RNF24: variants seen among roughly 807,000 people sequenced by gnomAD.
The protein encoded by RNF24 is ring finger protein 24.
In RNF24, 14 loss-of-function variants were observed where a neutral mutation model predicts 20.0. The ratio of observed to expected loss-of-function variants is 0.70; its 90% CI spans 0.46 to 1.10. The LOEUF is 1.10. Ranked by LOEUF, RNF24 falls within the 50% of genes least tolerant of loss-of-function variation. The pLI, the probability that RNF24 is intolerant of heterozygous loss-of-function variation, is 0.00. For missense variants in RNF24, 124 were observed against 177.6 expected, an observed-to-expected ratio of 0.70 and a Z score of 1.71; for synonymous variants, 45 against 61.1, an observed-to-expected ratio of 0.74 and a Z score of 1.23.
chr20:4,002,591 T>A (rs1981504833), intron 1 of RNF24, among the ~76,000 whole-genome samples: 1 of 152,132 alleles, frequency 6.6e-6, no homozygotes, highest in Non-Finnish European at 1.5e-5. Context: ...GTCTATTAAG[T>A]AATATTAATC....
chr20:3,945,081 T>G (rs572506811), intron 4 of RNF24, 96 bp downstream of exon 4: 2 of 1,491,270 alleles, frequency 1.3e-6, no homozygotes, highest in African/African-American at 2.8e-5. Flanking sequence ...TAAGCCTATT[T>G]TTTTCAACTA....
chr20:3,979,446 T>G (rs1225923418), intron 1 of RNF24, among the ~76,000 whole-genome samples: 1 of 152,106 alleles, frequency 6.6e-6, no homozygotes, highest in African/African-American at 2.4e-5. Context: ...GAGGCCAAGG[T>G]GGGTGGATCA....
chr20:3,948,150 C>T (rs1409015452), intron 3 of RNF24, 87 bp downstream of exon 3: 10 of 911,270 alleles, frequency 1.1e-5, no homozygotes, highest in Admixed American at 2.5e-5. Context: ...AAATTCAGTC[C>T]CAGTTTAACG....
At chr20:3,985,191 G>A (rs566408186) in intron 1 of RNF24, among the ~76,000 whole-genome samples, 11 of 151,986 alleles carry the variant, frequency 7.2e-5, no homozygotes, top group Non-Finnish European at 1.2e-4. Context: ...TTCATCAAAG[G>A]ATGTTGTAAT....
At chr20:3,971,038 G>C (rs1024621111) in intron 1 of RNF24, among the ~76,000 whole-genome samples, 5 of 152,102 alleles carry the variant, frequency 3.3e-5, no homozygotes, top group Non-Finnish European at 5.9e-5. Flanking sequence ...ACACATCGTA[G>C]TCAAACTTCT....
chr20:3,933,026 CTT>C lies in RNF24; in HGVS notation c.*1035_*1036del, dbSNP rs2090842829. ...ACCAGCTTCAGAATTACACAGGGAT[CTT>C]ATTTGGGATAAAGTGTTAAAAAGTG... On this transcript the variant is annotated 3_prime_UTR_variant, in exon 6 of 6. Transcript: ENST00000358395. 8.8e-6 allele frequency: 3 copies of C among 340,704 alleles called. No individual in the cohort carries two copies. In the Admixed American group the frequency reaches 1.6e-4, roughly 18 times the overall value. 21.1% of individuals were successfully genotyped at this position (340,704 alleles called of 1,614,324 possible). A position where few individuals can be genotyped will look rare whatever the true frequency, so the allele number is the denominator to read the frequency against.
At chr20:3,945,282 AT>A in intron 3 of RNF24, 64 bp from the exon 4 acceptor site, 1 of 1,426,750 alleles carries the variant, frequency 7.0e-7, no homozygotes, top group South Asian at 1.3e-5. Context: ...ATTTCTCATT[AT>A]ATTCTCAAAT....
At chr20:4,003,619 C>T (rs1466234108) in intron 1 of RNF24, among the ~76,000 whole-genome samples, 3 of 139,234 alleles carry the variant, frequency 2.2e-5, no homozygotes, top group Non-Finnish European at 4.6e-5. Flanking sequence ...TTTGAAGGCC[C>T]ATGTTAGAAA....
At position 3,928,062 on chromosome 20, in the gene RNF24, TTAATC is replaced by T. The variant is rs1359105845; in HGVS notation, c.*5996_*6000del. On this transcript the variant is annotated 3_prime_UTR_variant, in exon 6 of 6. Transcript: ENST00000358395. Reference sequence around the variant, plus strand: ...CTCCCCAGCACATGGGGATCCCTTATTAATCTTTACTAAAGAACCGTGAACCAGCA... The same window carrying T: ...CTCCCCAGCACATGGGGATCCCTTATTTTACTAAAGAACCGTGAACCAGCA... 6.6e-6 allele frequency: 1 copy of T among 152,200 alleles called. No homozygotes were observed. The highest frequency in any genetic ancestry group is 2.4e-5 in the African/African-American group (1 of 41,438). The allele number at this position is 152,200 out of a possible 1,614,324, so 9.4% of individuals were successfully genotyped here.
At chr20:4,014,407 A>G (rs566250922) in intron 1 of RNF24, among the ~76,000 whole-genome samples, 2 of 152,352 alleles carry the variant, frequency 1.3e-5, no homozygotes, top group South Asian at 4.1e-4. Context: ...AGACATGTTT[A>G]TGAGCATTCG....
intron 1 of RNF24, among the ~76,000 whole-genome samples, chr20:3,967,903 G>GT (rs2091274814): frequency 7.1e-6 from 1 of 141,434 alleles, no homozygotes; most frequent in Admixed American, 7.5e-5. Context: ...TGAGGCAGGA[G>GT]AATCCCTTGA....
At chr20:4,013,242 C>T (rs916621757) in intron 1 of RNF24, among the ~76,000 whole-genome samples, 3 of 152,050 alleles carry the variant, frequency 2.0e-5, no homozygotes, top group Non-Finnish European at 4.4e-5. Context: ...AAAATTTCCC[C>T]TTCAAATTAA....
intron 1 of RNF24, among the ~76,000 whole-genome samples, chr20:4,013,962 T>C (rs2143234): frequency 0.88 from 134,159 of 152,276 alleles, 59,466 homozygotes; most frequent in Non-Finnish European, 0.92. Context: ...AGAGCTGGTG[T>C]TATCCCAATA....
Position 3,985,767 on chromosome 20 carries a change from C to T in RNF24, c.-7-21743G>A, listed in dbSNP as rs182834267. ...TTGCCCAGGCTGGAGTGCAATGGCACGATCTTGGCTCACCCCAACCTCAGC... is the reference window on the plus strand; with the variant it reads ...TTGCCCAGGCTGGAGTGCAATGGCATGATCTTGGCTCACCCCAACCTCAGC... On this transcript the variant is annotated intron_variant, in intron 1 of 5. Transcript: ENST00000358395. Among the ~76,000 whole-genome samples the T allele has an allele frequency of 1.3e-3, 188 of 149,918 alleles. No individual in the cohort carries two copies. The East Asian group carries it at 0.034, about 27-fold the overall frequency.
chr20:3,989,541 A>C (rs1451123892), intron 1 of RNF24, among the ~76,000 whole-genome samples: 1 of 152,172 alleles, frequency 6.6e-6, no homozygotes, highest in Non-Finnish European at 1.5e-5. Flanking sequence ...ACTTGAATTG[A>C]CAGATGAACA....
intron 4 of RNF24, among the ~76,000 whole-genome samples, chr20:3,944,007 C>T (rs1284642308): frequency 6.6e-6 from 1 of 152,014 alleles, no homozygotes; most frequent in Non-Finnish European, 1.5e-5. Flanking sequence ...GTCAGGAGTT[C>T]AAGACCAGCC....
At chr20:3,983,352 C>T (rs1481313681) in intron 1 of RNF24, among the ~76,000 whole-genome samples, 2 of 152,034 alleles carry the variant, frequency 1.3e-5, no homozygotes, top group African/African-American at 4.8e-5. Context: ...ATATATTTGC[C>T]TATACGTATT....
intron 4 of RNF24, among the ~76,000 whole-genome samples, chr20:3,937,597 G>A (rs1291588997): frequency 7.3e-6 from 1 of 136,336 alleles, no homozygotes; most frequent in African/African-American, 2.8e-5. Context: ...TTCATAGGCA[G>A]TCATTCCCCA....
intron 4 of RNF24, among the ~76,000 whole-genome samples, chr20:3,936,390 C>A (rs535312928): frequency 1.1e-4 from 17 of 152,322 alleles, no homozygotes; most frequent in South Asian, 4.1e-4. Context: ...CCTGTCCCAC[C>A]CTACACACGG....
Sources: gnomAD v4.1 joint callset for allele counts (sites outside exome capture counted in the v4.1 genomes callset) on GRCh38, gnomAD v4.1.1 for gene constraint, MANE v1.5 for transcripts, NCBI Gene and HGNC (gene_info 2026-07-23, HGNC 2026-07-21) for gene names.